DOCK1: variants seen among roughly 807,000 people sequenced by gnomAD.
DOCK1 encodes dedicator of cytokinesis protein 1.
DOCK1 carries 138 observed loss-of-function variants against 262.7 expected under a neutral mutation model. The ratio of observed to expected loss-of-function variants is 0.53; its 90% CI spans 0.46 to 0.61. The LOEUF (loss-of-function observed/expected upper bound fraction) is 0.61. DOCK1 is among the 20% of genes least tolerant of loss of function. The pLI is 0.00. For synonymous variants in DOCK1, 866 were observed against 867.4 expected (o/e 1.00, Z 0.03); for missense variants, 1,908 against 2,370.7 (o/e 0.80, Z 4.05).
chr10:127,163,799 CTTTT>C (rs531750560), intron 27 of DOCK1, among the ~76,000 whole-genome samples: 6 of 129,160 alleles, frequency 4.6e-5, no homozygotes, highest in Admixed American at 7.9e-5. Context: ...TAAAGCCTTC[CTTTT>C]TTTTTTTTTT....
chr10:126,950,825 C>T (rs1264074846), intron 1 of DOCK1, among the ~76,000 whole-genome samples: 1 of 152,070 alleles, frequency 6.6e-6, no homozygotes, highest in Non-Finnish European at 1.5e-5. Flanking sequence ...TCTGGTCTTT[C>T]CCAGGGCAGA....
At chr10:127,093,245 T>TCTTTCTTTCTTTC (rs1402479133) in intron 23 of DOCK1, among the ~76,000 whole-genome samples, 42 of 132,394 alleles carry the variant, frequency 3.2e-4, no homozygotes, top group African/African-American at 1.2e-3. Flanking sequence ...CTTTCTTCTT[T>TCTTTCTTTCTTTC]TTTTTTTTTT....
chr10:127,163,602 T>C (rs1276644620), intron 27 of DOCK1, among the ~76,000 whole-genome samples: 3 of 152,150 alleles, frequency 2.0e-5, no homozygotes, highest in Admixed American at 2.0e-4. Context: ...GCCCTTTTGC[T>C]TCTGAAAGGG....
chr10:127,394,255 T>C (rs976649802), intron 38 of DOCK1, among the ~76,000 whole-genome samples: 4 of 151,784 alleles, frequency 2.6e-5, no homozygotes, highest in South Asian at 2.1e-4. Context: ...CCAAGTGATA[T>C]ATGAAGCCCT....
At chr10:127,286,665 T>C (rs2061164498) in intron 29 of DOCK1, among the ~76,000 whole-genome samples, 1 of 152,164 alleles carries the variant, frequency 6.6e-6, no homozygotes, top group African/African-American at 2.4e-5. Flanking sequence ...TTCATAAATA[T>C]TTCAGTTGTC....
intron 18 of DOCK1, among the ~76,000 whole-genome samples, chr10:127,032,751 C>G (rs999524306): frequency 6.6e-6 from 1 of 152,066 alleles, no homozygotes; most frequent in Admixed American, 6.6e-5. Context: ...GAGATGAGGT[C>G]TCACTTTATT....
At chr10:126,946,414 G>A (rs2035408788) in intron 1 of DOCK1, among the ~76,000 whole-genome samples, 1 of 152,104 alleles carries the variant, frequency 6.6e-6, no homozygotes, top group African/African-American at 2.4e-5. Context: ...GGATGTGGTG[G>A]CGGGCACCTG....
intron 6 of DOCK1, among the ~76,000 whole-genome samples, chr10:126,992,381 C>G (rs531257654): frequency 6.6e-6 from 1 of 152,252 alleles, no homozygotes; most frequent in East Asian, 1.9e-4. Context: ...ATAGGAAATA[C>G]AGTCCTTAAT....
At chr10:127,265,238 T>C (rs950250372) in intron 29 of DOCK1, among the ~76,000 whole-genome samples, 1 of 152,360 alleles carries the variant, frequency 6.6e-6, no homozygotes. Flanking sequence ...ACATCAGAGA[T>C]TGTCAGTCAA....
intron 31 of DOCK1, among the ~76,000 whole-genome samples, chr10:127,352,141 A>G (rs977842660): frequency 6.7e-6 from 1 of 148,240 alleles, no homozygotes; most frequent in Non-Finnish European, 1.5e-5. Flanking sequence ...AGGGAGAAGC[A>G]CTGTGCAGGG....
intron 25 of DOCK1, 106 bp downstream of exon 25, chr10:127,110,460 A>G (rs2048798482): frequency 1.1e-6 from 1 of 947,832 alleles, no homozygotes; most frequent in African/African-American, 1.6e-5. Context: ...GGCTGCAACC[A>G]ATTAAAACTG....
At chr10:127,201,322 C>T (rs1243841978) in intron 27 of DOCK1, among the ~76,000 whole-genome samples, 2 of 152,200 alleles carry the variant, frequency 1.3e-5, no homozygotes, top group African/African-American at 4.8e-5. Context: ...TTGCACGGTC[C>T]TGGCAGCCGA....
chr10:127,101,010 GC>G (rs1295934506), intron 23 of DOCK1, among the ~76,000 whole-genome samples: 2 of 152,066 alleles, frequency 1.3e-5, no homozygotes, highest in Non-Finnish European at 2.9e-5. Flanking sequence ...AGAACTGAAG[GC>G]TCTGAGGAGA....
At chr10:127,411,062 C>G in intron 43 of DOCK1, 138 bp downstream of exon 43, 1 of 847,012 alleles carries the variant, frequency 1.2e-6, no homozygotes, top group Non-Finnish European at 1.8e-6. Flanking sequence ...GTGCAGAAAT[C>G]TTAATCTATT....
At chr10:127,053,461 C>T (rs1376425616) in intron 22 of DOCK1, among the ~76,000 whole-genome samples, 1 of 152,208 alleles carries the variant, frequency 6.6e-6, no homozygotes, top group Non-Finnish European at 1.5e-5. Flanking sequence ...TGTTTCATTT[C>T]GGGAGAACTC....
At chr10:127,338,862 C>T (rs1277019285) in intron 29 of DOCK1, 144 bp from the exon 30 acceptor site, 2 of 611,940 alleles carry the variant, frequency 3.3e-6, no homozygotes, top group African/African-American at 1.8e-5. Context: ...GTGATCTTTT[C>T]GTTGGCAAAA....
chr10:127,441,898 C>T (rs1591076236), intron 49 of DOCK1, among the ~76,000 whole-genome samples: 3 of 152,134 alleles, frequency 2.0e-5, no homozygotes, highest in Admixed American at 1.3e-4. Context: ...CTCAGCAGTC[C>T]AGCCTCCTCA....
intron 16 of DOCK1, among the ~76,000 whole-genome samples, chr10:127,028,213 T>G (rs1011315579): frequency 6.6e-6 from 1 of 152,158 alleles, no homozygotes; most frequent in Admixed American, 6.5e-5. Flanking sequence ...GGCCGCCAGC[T>G]TGGAAGGCAG....
At chr10:127,032,366 A>G (rs746520692) in intron 18 of DOCK1, 46 bp downstream of exon 18, 5 of 1,457,642 alleles carry the variant, frequency 3.4e-6, no homozygotes, top group African/African-American at 1.4e-5. Flanking sequence ...GCTCTGCCCC[A>G]GTCCTGTCTT....
Sources: allele counts gnomAD v4.1 joint callset (sites outside exome capture counted in the v4.1 genomes callset), GRCh38; gene constraint gnomAD v4.1.1; transcripts MANE v1.5; gene names NCBI Gene and HGNC (gene_info 2026-07-23, HGNC 2026-07-21).